ZNF431: variants seen among roughly 807,000 people sequenced by gnomAD.
ZNF431 encodes zinc finger protein 431.
In ZNF431, 34 loss-of-function variants were observed where a neutral mutation model predicts 57.0. The observed-to-expected ratio is 0.60, with a 90% CI of 0.45 to 0.79. The LOEUF (loss-of-function observed/expected upper bound fraction) is 0.79, where lower values mean the gene tolerates loss of function less well. ZNF431 is among the 30% of genes least tolerant of loss of function. ZNF431 has a pLI of 0.00. For synonymous variants in ZNF431, 207 were observed against 220.3 expected (o/e 0.94, Z 0.54); for missense variants, 607 against 667.1 (o/e 0.91, Z 0.99).
At chr19:21,154,383 T>C (rs1368869375) in intron 2 of ZNF431, among the ~76,000 whole-genome samples, 1 of 152,186 alleles carries the variant, frequency 6.6e-6, no homozygotes, top group African/African-American at 2.4e-5. Context: ...TATTCCATGG[T>C]GTATATGTGC....
At chr19:21,181,376 T>C (rs1268948780) in intron 4 of ZNF431, among the ~76,000 whole-genome samples, 1 of 152,146 alleles carries the variant, frequency 6.6e-6, no homozygotes, top group Non-Finnish European at 1.5e-5. Flanking sequence ...TCTCACTTTA[T>C]AGCTATTTTT....
rs889524608 is a variant in ZNF431 at position 21,188,582 on chromosome 19, A to G, written c.*4548A>G. The G allele has an allele frequency of 6.6e-6, 1 of 152,158 alleles. No individual in the cohort carries two copies. Among genetic ancestry groups the G allele is most frequent in the African/African-American group, 2.4e-5 (1 of 41,456 alleles). The allele number at this position is 152,158 out of a possible 1,614,324, so 9.4% of individuals were successfully genotyped here. ...AATTTTGAAAAATAATGTCTTTTCT[A>G]TATTGATTTTACAATTTGGAGAAAT... On this transcript the variant is annotated 3_prime_UTR_variant, in exon 5 of 5. Coordinates refer to ENST00000311048, the MANE Select transcript of ZNF431 (RefSeq NM_133473.4).
At chr19:21,156,554 C>T (rs914722893) in intron 2 of ZNF431, among the ~76,000 whole-genome samples, 1 of 152,076 alleles carries the variant, frequency 6.6e-6, no homozygotes, top group Non-Finnish European at 1.5e-5. Context: ...GCCTCAGTGT[C>T]TGTCGTTCCC....
rs192818869 is a variant in ZNF431 at position 21,165,957 on chromosome 19, G to A, written c.97-378G>A. Among the ~76,000 whole-genome samples the A allele has an allele frequency of 6.9e-4, 105 of 152,130 alleles. 1 individual carries two copies. Among genetic ancestry groups the A allele is most frequent in the Middle Eastern group, 3.4e-3 (1 of 294 alleles). On this transcript the variant is annotated intron_variant, in intron 2 of 4. Coordinates refer to ENST00000311048, the MANE Select transcript of ZNF431 (RefSeq NM_133473.4). ...TTCATGGCAGGATCTCCAGTTTATC[G>A]TGCACATTTAAATTTGAGAGGTACC...
chr19:21,160,844 A>G (rs1970548384), intron 2 of ZNF431, among the ~76,000 whole-genome samples: 1 of 152,172 alleles, frequency 6.6e-6, no homozygotes, highest in Admixed American at 6.5e-5. Context: ...TGACTCAAAT[A>G]AACTAATTGC....
At chr19:21,167,025 A>G (rs1390726103) in intron 3 of ZNF431, among the ~76,000 whole-genome samples, 1 of 152,020 alleles carries the variant, frequency 6.6e-6, no homozygotes, top group Non-Finnish European at 1.5e-5. Flanking sequence ...CACACCCAGC[A>G]AATTTTTGTA....
chr19:21,182,787 A>G lies in ZNF431; in HGVS notation c.484A>G (p.Asn162Asp), dbSNP rs954386455. The G allele has an allele frequency of 6.2e-6, 10 of 1,613,904 alleles. No homozygotes were observed. Among genetic ancestry groups the G allele is most frequent in the African/African-American group, 1.3e-5 (1 of 74,934 alleles). The change falls in exon 5 of 5, where the codon AAT (asparagine) becomes GAT (aspartate). Residue 162 changes from asparagine (N) to aspartate (D), a missense_variant. Asn to Asp is a conservative substitution (Grantham distance 23). Coordinates refer to ENST00000311048, the MANE Select transcript of ZNF431 (RefSeq NM_133473.4). ...GTATAAGGTGCACAAAGAAGGTTATAATGAGCTAAACCAGTGTTTGACAAC... is the reference window on the plus strand; with the variant it reads ...GTATAAGGTGCACAAAGAAGGTTATGATGAGCTAAACCAGTGTTTGACAAC... ...DEYKVHKEGYNELNQCLTTTQ... is the reference protein window; with the variant it reads ...DEYKVHKEGYDELNQCLTTTQ...
chr19:21,154,010 C>G (rs1189591350), intron 2 of ZNF431, among the ~76,000 whole-genome samples: 1 of 152,166 alleles, frequency 6.6e-6, no homozygotes, highest in Non-Finnish European at 1.5e-5. Context: ...GCCGCCGCAC[C>G]CATTGGGAGT....
chr19:21,149,888 C>T, intron 2 of ZNF431: 1 of 635,056 alleles, frequency 1.6e-6, no homozygotes, highest in East Asian at 3.3e-5. Context: ...TCTTACCTTC[C>T]CCTTGATAAT....
chr19:21,168,417 A>T (rs10408543), intron 4 of ZNF431, among the ~76,000 whole-genome samples: 4,514 of 151,520 alleles, frequency 0.03, 216 homozygotes, highest in African/African-American at 0.1. Flanking sequence ...ATCAGGCTGG[A>T]GTGCAGTGGC....
chr19:21,189,649 A>G lies in ZNF431; in HGVS notation c.*5615A>G, dbSNP rs1303361507. The G allele has an allele frequency of 8.4e-6, 3 of 358,500 alleles. No individual in the cohort carries two copies. Among genetic ancestry groups the G allele is most frequent in the African/African-American group, 2.1e-5 (1 of 47,476 alleles). 22.2% of individuals were successfully genotyped at this position (358,500 alleles called of 1,614,324 possible). On this transcript the variant is annotated 3_prime_UTR_variant, in exon 5 of 5. Coordinates refer to ENST00000311048, the MANE Select transcript of ZNF431 (RefSeq NM_133473.4). Reference sequence around the variant, plus strand: ...TTTGACTATAATTATGTATTATTTCACAAACATGTTTCCAGCCTTCCATTT... The same window carrying G: ...TTTGACTATAATTATGTATTATTTCGCAAACATGTTTCCAGCCTTCCATTT...
intron 2 of ZNF431, among the ~76,000 whole-genome samples, chr19:21,147,299 C>T (rs151055764): frequency 4.6e-5 from 7 of 152,116 alleles, no homozygotes; most frequent in African/African-American, 1.2e-4. Flanking sequence ...CCAGCCTGAT[C>T]AACATGGTGA....
Position 21,172,033 on chromosome 19 carries a change from T to C in ZNF431, c.319+4367T>C, listed in dbSNP as rs181568106. On this transcript the variant is annotated intron_variant, in intron 4 of 4. Coordinates refer to ENST00000311048, the MANE Select transcript of ZNF431 (RefSeq NM_133473.4). ...CCGCACCTGGCCTGAATATATATTTTCTTTGTGTGAGAAAAACATTTTTGT... is the reference window on the plus strand; with the variant it reads ...CCGCACCTGGCCTGAATATATATTTCCTTTGTGTGAGAAAAACATTTTTGT... Among the ~76,000 whole-genome samples the C allele has an allele frequency of 2.6e-3, 390 of 152,090 alleles. 3 individuals are homozygous for C. The highest frequency in any genetic ancestry group is 7.1e-3 in the Admixed American group (108 of 15,272).
At chr19:21,153,185 C>T (rs537478275) in intron 2 of ZNF431, among the ~76,000 whole-genome samples, 12 of 152,286 alleles carry the variant, frequency 7.9e-5, no homozygotes, top group Admixed American at 4.6e-4. Flanking sequence ...TCACTCTCAT[C>T]GCCATGTTAA....
In ZNF431 at chr19:21,195,247, T is replaced by C. The variant is rs1205115431; in HGVS notation, c.*11213T>C. On this transcript the variant is annotated 3_prime_UTR_variant, in exon 5 of 5. Transcript: ENST00000311048. Reference sequence around the variant, plus strand: ...TGCTGAATTGCTTCATTTCTGCAATTTCTGCTGCTTCTTAAGATGCTTTTA... The same window carrying C: ...TGCTGAATTGCTTCATTTCTGCAATCTCTGCTGCTTCTTAAGATGCTTTTA... 1.3e-5 allele frequency: 2 copies of C among 152,222 alleles called. No homozygotes were observed. Among genetic ancestry groups the C allele is most frequent in the African/African-American group, 4.8e-5 (2 of 41,446 alleles). 9.4% of individuals were successfully genotyped at this position (152,222 alleles called of 1,614,324 possible).
In ZNF431 at chr19:21,191,763, C is replaced by G. The variant is rs2145080842; in HGVS notation, c.*7729C>G. On this transcript the variant is annotated 3_prime_UTR_variant, in exon 5 of 5. Coordinates refer to ENST00000311048, the MANE Select transcript of ZNF431 (RefSeq NM_133473.4). ...CTATGTCTCTGTTTTTATTCAAGTA[C>G]CATACTGTTGGTTACCATAGCTATG... is the stretch of plus-strand genomic sequence containing the variant. 1 of 152,142 alleles carries G rather than the reference C, an allele frequency of 6.6e-6. No individual in the cohort carries two copies. Among genetic ancestry groups the G allele is most frequent in the Non-Finnish European group, 1.5e-5 (1 of 68,004 alleles). The allele number at this position is 152,142 out of a possible 1,614,324, so 9.4% of individuals were successfully genotyped here.
chr19:21,148,442 T>C (rs1970170167), intron 2 of ZNF431, among the ~76,000 whole-genome samples: 1 of 152,354 alleles, frequency 6.6e-6, no homozygotes, highest in Admixed American at 6.5e-5. Flanking sequence ...TTTATCTCAA[T>C]GTTCAATTTC....
At chr19:21,154,705 C>G (rs368393794) in intron 2 of ZNF431, among the ~76,000 whole-genome samples, 1 of 151,888 alleles carries the variant, frequency 6.6e-6, no homozygotes, top group East Asian at 1.9e-4. Context: ...TTTTAATGAT[C>G]GCCATTCTAA....
chr19:21,184,105 A>C lies in ZNF431; in HGVS notation c.*71A>C, dbSNP rs539696677. On this transcript the variant is annotated 3_prime_UTR_variant, in exon 5 of 5. Coordinates refer to ENST00000311048, the MANE Select transcript of ZNF431 (RefSeq NM_133473.4). ...TGGCTTATGCAAAATGGCTCCCAGC[A>C]TTTTGGGAGGCTGAGGTGGGTGGAT... 1 of 1,376,934 alleles carries C rather than the reference A, an allele frequency of 7.3e-7. No individual in the cohort carries two copies. The highest frequency in any genetic ancestry group is 9.8e-7 in the Non-Finnish European group (1 of 1,023,250). The allele number at this position is 1,376,934 out of a possible 1,614,324, so 85.3% of individuals were successfully genotyped here. A position where few individuals can be genotyped will look rare whatever the true frequency, so the allele number is the denominator to read the frequency against.
Sources: allele counts gnomAD v4.1 joint callset (sites outside exome capture counted in the v4.1 genomes callset), GRCh38; gene constraint gnomAD v4.1.1; transcripts MANE v1.5; gene names NCBI Gene and HGNC (gene_info 2026-07-23, HGNC 2026-07-21).